The following CPQ variants were observed in gnomAD, a reference collection of about 807,000 sequenced individuals.
The protein encoded by CPQ is carboxypeptidase Q.
In CPQ, 37 loss-of-function variants were observed where a neutral mutation model predicts 45.7. The observed-to-expected ratio is 0.81, with a 90% CI of 0.62 to 1.07. The LOEUF (loss-of-function observed/expected upper bound fraction) is 1.07, where lower values mean the gene tolerates loss of function less well. Ranked by LOEUF, CPQ falls within the 50% of genes least tolerant of loss-of-function variation. The pLI is 0.00. For synonymous variants in CPQ, 186 were observed against 205.8 expected (o/e 0.90, Z 0.82); for missense variants, 537 against 572.9 (o/e 0.94, Z 0.64).
At position 96,905,608 on chromosome 8, in the gene CPQ, G is replaced by A. The variant is rs902273479; in HGVS notation, c.849+25603G>A. Among the ~76,000 whole-genome samples, 9 of 152,106 alleles carry A rather than the reference G, an allele frequency of 5.9e-5. 1 individual carries two copies. The South Asian group carries it at 1.9e-3, about 32-fold the overall frequency. On this transcript the variant is annotated intron_variant, in intron 4 of 7. Transcript: ENST00000220763. ...CCTCGGGTCATGGTTTCCCCAATAGGGTTGAATTGAGGAAAAGAAACAAGG... is the reference window on the plus strand; with the variant it reads ...CCTCGGGTCATGGTTTCCCCAATAGAGTTGAATTGAGGAAAAGAAACAAGG...
chr8:96,718,210 C>T (rs965080198), intron 1 of CPQ, among the ~76,000 whole-genome samples: 2 of 152,226 alleles, frequency 1.3e-5, no homozygotes, highest in African/African-American at 2.4e-5. Flanking sequence ...TGAATCTTAA[C>T]TGGGGGCTTC....
chr8:96,796,790 G>A (rs1412575906), intron 2 of CPQ, among the ~76,000 whole-genome samples: 1 of 152,158 alleles, frequency 6.6e-6, no homozygotes, highest in East Asian at 1.9e-4. Flanking sequence ...CAAACTGTGT[G>A]TACCTTATGA....
intron 4 of CPQ, among the ~76,000 whole-genome samples, chr8:96,934,399 G>T (rs368041547): frequency 1.6e-4 from 24 of 152,108 alleles, no homozygotes; most frequent in African/African-American, 5.6e-4. Context: ...GGCATTCCAG[G>T]CAGGGGCATG....
rs138721749 is a variant in CPQ, at chr8:96,676,609, A to G, written c.-35+31207A>G. Among the ~76,000 whole-genome samples, 1,432 of 152,240 alleles carry G rather than the reference A, an allele frequency of 9.4e-3. 48 individuals are homozygous for G. The highest frequency in any genetic ancestry group is 0.077 in the Admixed American group (1,177 of 15,278). ...TCTTGGTTATTGTGAATAGTGCTAC[A>G]ATAAACATGAAAATGTAGGTATCCC... On this transcript the variant is annotated intron_variant, in intron 1 of 7. Coordinates refer to ENST00000220763, the MANE Select transcript of CPQ (RefSeq NM_016134.4).
chr8:96,811,832 A>G (rs1314864464), intron 2 of CPQ, among the ~76,000 whole-genome samples: 2 of 152,210 alleles, frequency 1.3e-5, no homozygotes, highest in Admixed American at 6.5e-5. Flanking sequence ...TATTTGGGGA[A>G]TAAATCCAAT....
chr8:97,141,270 T>G (rs1013125782), intron 7 of CPQ, among the ~76,000 whole-genome samples: 1 of 151,924 alleles, frequency 6.6e-6, no homozygotes, highest in South Asian at 2.1e-4. Flanking sequence ...AACTGGGAAA[T>G]GATATATACA....
At chr8:97,066,651 T>A (rs1052897405) in intron 7 of CPQ, among the ~76,000 whole-genome samples, 14 of 152,166 alleles carry the variant, frequency 9.2e-5, no homozygotes, top group African/African-American at 3.4e-4. Flanking sequence ...TAATTCCCTA[T>A]TAAAACACTG....
chr8:97,110,230 G>A (rs929427954), intron 7 of CPQ, among the ~76,000 whole-genome samples: 2 of 152,014 alleles, frequency 1.3e-5, no homozygotes, highest in African/African-American at 2.4e-5. Flanking sequence ...ACTCACACAC[G>A]GGTATGTATC....
chr8:96,755,904 C>T (rs1810320974), intron 1 of CPQ, among the ~76,000 whole-genome samples: 2 of 151,894 alleles, frequency 1.3e-5, no homozygotes, highest in Non-Finnish European at 2.9e-5. Flanking sequence ...CTGAAAGTAA[C>T]ACCTATGCCA....
chr8:96,729,030 A>G (rs781664340), intron 1 of CPQ, among the ~76,000 whole-genome samples: 1 of 152,228 alleles, frequency 6.6e-6, no homozygotes, highest in Non-Finnish European at 1.5e-5. Context: ...GTCAGTGCCT[A>G]TATTACTTAT....
intron 7 of CPQ, among the ~76,000 whole-genome samples, chr8:97,112,151 A>AT (rs548377824): frequency 9.6e-4 from 136 of 141,358 alleles, no homozygotes; most frequent in South Asian, 2.3e-3. Flanking sequence ...TATTATTTTT[A>AT]TTTTTTTTTT....
At chr8:96,687,999 AT>A (rs958140340) in intron 1 of CPQ, among the ~76,000 whole-genome samples, 59 of 151,268 alleles carry the variant, frequency 3.9e-4, no homozygotes, top group South Asian at 6.3e-4. Flanking sequence ...TCTGAAAAAA[AT>A]TTTTTTTTGC....
chr8:96,690,120 A>G (rs1431615624), intron 1 of CPQ, among the ~76,000 whole-genome samples: 1 of 151,888 alleles, frequency 6.6e-6, no homozygotes, highest in Non-Finnish European at 1.5e-5. Context: ...TAATTTATAG[A>G]GGTATGTGCT....
intron 4 of CPQ, among the ~76,000 whole-genome samples, chr8:96,918,508 G>A (rs1169903356): frequency 6.6e-6 from 1 of 151,946 alleles, no homozygotes; most frequent in Non-Finnish European, 1.5e-5. Context: ...TTACCAGACA[G>A]TATCCAGTTT....
At chr8:96,990,063 A>C (rs186271753) in intron 5 of CPQ, among the ~76,000 whole-genome samples, 2 of 151,606 alleles carry the variant, frequency 1.3e-5, no homozygotes, top group East Asian at 1.9e-4. Context: ...AACCACCCTC[A>C]CTCCCACCTC....
intron 6 of CPQ, among the ~76,000 whole-genome samples, chr8:97,033,180 T>G (rs953690435): frequency 2.6e-5 from 4 of 152,160 alleles, no homozygotes; most frequent in African/African-American, 9.7e-5. Context: ...GAGATCTATT[T>G]TAGTGATTGT....
At chr8:96,871,769 A>G (rs1239959191) in intron 3 of CPQ, among the ~76,000 whole-genome samples, 3 of 151,694 alleles carry the variant, frequency 2.0e-5, no homozygotes, top group Non-Finnish European at 4.4e-5. Flanking sequence ...TTTCATCTAC[A>G]TTTCTATGTA....
In CPQ at chr8:97,099,616, A is replaced by T. The variant is rs569271888; in HGVS notation, c.1255+33406A>T. ...ATTCTCACCATGCTTGAAATATTGT[A>T]GAGCAAAGCAGCTCTAGTTATCCTC... On this transcript the variant is annotated intron_variant, in intron 7 of 7. Transcript: ENST00000220763. Among the ~76,000 whole-genome samples the T allele has an allele frequency of 2.0e-5, 3 of 151,868 alleles. No individual in the cohort carries two copies. In the South Asian group the frequency reaches 6.2e-4, roughly 32 times the overall value.
chr8:97,041,163 G>A (rs947642090), intron 6 of CPQ, among the ~76,000 whole-genome samples: 1 of 152,150 alleles, frequency 6.6e-6, no homozygotes. Context: ...ATTTCATTGA[G>A]CAGGGGTTTG....
Sources: gnomAD v4.1 joint callset for allele counts (sites outside exome capture counted in the v4.1 genomes callset) on GRCh38, gnomAD v4.1.1 for gene constraint, MANE v1.5 for transcripts, NCBI Gene and HGNC (gene_info 2026-07-23, HGNC 2026-07-21) for gene names.